GABBR2: variants seen among roughly 807,000 people sequenced by gnomAD.
GABBR2 encodes G-protein coupled receptor 51.
A neutral mutation model predicts 105.6 loss-of-function variants in GABBR2; 23 were observed. The ratio of observed to expected loss-of-function variants is 0.22; its 90% CI spans 0.16 to 0.31. The LOEUF (loss-of-function observed/expected upper bound fraction) is 0.31. GABBR2 is among the 10% of genes least tolerant of loss of function. The pLI, the probability that GABBR2 is intolerant of heterozygous loss-of-function variation, is 1.00. For synonymous variants in GABBR2, 478 were observed against 499.7 expected (o/e 0.96, Z 0.58); for missense variants, 734 against 1,245.5 (o/e 0.59, Z 6.18).
chr9:98,389,273 T>A lies in GABBR2; in HGVS notation c.1379-269A>T, dbSNP rs1004652671. On this transcript the variant is annotated intron_variant, in intron 9 of 18. Coordinates refer to ENST00000259455, the MANE Select transcript of GABBR2 (RefSeq NM_005458.8). ...TAGAAGACTAGAATTTGATTTGGTC[T>A]AATTACACTATTGAAAAACCATCAC... Among the ~76,000 whole-genome samples, 5 of 152,238 alleles carry A rather than the reference T, an allele frequency of 3.3e-5. 1 individual carries two copies. Among genetic ancestry groups the A allele is most frequent in the Non-Finnish European group, 4.4e-5 (3 of 68,042 alleles).
chr9:98,556,851 T>A (rs1828594270), intron 2 of GABBR2, among the ~76,000 whole-genome samples: 1 of 152,034 alleles, frequency 6.6e-6, no homozygotes, highest in Non-Finnish European at 1.5e-5. Context: ...TGGAGACCAG[T>A]CTGGGCAAAT....
chr9:98,348,171 A>G (rs935008062), intron 13 of GABBR2, among the ~76,000 whole-genome samples: 10 of 152,208 alleles, frequency 6.6e-5, no homozygotes, highest in African/African-American at 2.4e-4. Flanking sequence ...CAGTTTTCAC[A>G]GCATCATTTA....
At chr9:98,415,601 G>A (rs1297643487) in intron 7 of GABBR2, among the ~76,000 whole-genome samples, 1 of 152,170 alleles carries the variant, frequency 6.6e-6, no homozygotes, top group Non-Finnish European at 1.5e-5. Flanking sequence ...TATTGTGCAA[G>A]CTACTTTTAG....
intron 1 of GABBR2, among the ~76,000 whole-genome samples, chr9:98,659,483 CTT>C (rs1167537234): frequency 5.8e-5 from 5 of 85,982 alleles, no homozygotes; most frequent in Admixed American, 1.2e-4. Context: ...ATTATTTCTT[CTT>C]CTTTTTTTTT....
At chr9:98,477,488 T>C (rs1043856874) in intron 5 of GABBR2, among the ~76,000 whole-genome samples, 2 of 152,216 alleles carry the variant, frequency 1.3e-5, no homozygotes, top group African/African-American at 4.8e-5. Flanking sequence ...TCTTCCAGCC[T>C]TGGCCTCCCA....
chr9:98,647,846 C>T (rs913386586), intron 1 of GABBR2, among the ~76,000 whole-genome samples: 8 of 152,152 alleles, frequency 5.3e-5, no homozygotes, highest in East Asian at 1.9e-4. Flanking sequence ...GGCTCTGATA[C>T]GAAGGTTAGT....
intron 3 of GABBR2, among the ~76,000 whole-genome samples, chr9:98,499,168 A>G (rs1247407790): frequency 2.6e-5 from 4 of 152,284 alleles, no homozygotes; most frequent in African/African-American, 9.6e-5. Flanking sequence ...GATCATTCCC[A>G]GGCAAATGGC....
chr9:98,662,547 A>G (rs1830277940), intron 1 of GABBR2, among the ~76,000 whole-genome samples: 1 of 152,214 alleles, frequency 6.6e-6, no homozygotes, highest in Admixed American at 6.5e-5. Context: ...CCCAGGAGTT[A>G]TTTAAAAGGG....
chr9:98,298,969 C>T (rs1477538856), intron 17 of GABBR2, among the ~76,000 whole-genome samples: 2 of 152,186 alleles, frequency 1.3e-5, no homozygotes, highest in African/African-American at 4.8e-5. Context: ...ATGCTGGCCC[C>T]ACTGTGTAGG....
chr9:98,299,279 G>A lies in GABBR2; in HGVS notation c.2487C>T (p.Asn829=). The change falls in exon 17 of 19, where the codon AAC becomes AAT. Residue 829 remains asparagine (N), a synonymous_variant. Transcript: ENST00000259455. The stretch of plus-strand genomic sequence containing the variant: ...GGATGTCATTGAGCTCTTGGTAGTG[G>A]TTCTGTTTAATGTAGGTGGTCTTTT... ...TPEKTTYIKQ[N]HYQELNDILN... The A allele has an allele frequency of 6.2e-7, 1 of 1,614,080 alleles. No individual in the cohort carries two copies. The highest frequency in any genetic ancestry group is 1.1e-5 in the South Asian group (1 of 91,062).
chr9:98,459,409 T>C (rs1826385192), intron 6 of GABBR2, among the ~76,000 whole-genome samples: 2 of 152,216 alleles, frequency 1.3e-5, no homozygotes, highest in South Asian at 4.1e-4. Flanking sequence ...TGAGGCATTT[T>C]CTGATTTGTA....
chr9:98,357,738 A>G (rs1831513356), intron 13 of GABBR2, among the ~76,000 whole-genome samples: 1 of 152,206 alleles, frequency 6.6e-6, no homozygotes, highest in Non-Finnish European at 1.5e-5. Context: ...TATATGTACA[A>G]TTTGAAGAAC....
chr9:98,511,308 G>T (rs10042788), intron 3 of GABBR2, among the ~76,000 whole-genome samples: 17,039 of 149,842 alleles, frequency 0.11, 1,570 homozygotes, highest in East Asian at 0.49. Flanking sequence ...AAGCAGGAAA[G>T]ATCTAAAATT....
intron 7 of GABBR2, among the ~76,000 whole-genome samples, chr9:98,411,616 T>C (rs73502828): frequency 0.052 from 7,912 of 151,788 alleles, 717 homozygotes; most frequent in African/African-American, 0.18. Context: ...GGCTAGAGAG[T>C]AGTGGTACCA....
Position 98,375,846 on chromosome 9 carries a change from A to G in GABBR2, c.1663-4275T>C, listed in dbSNP as rs748230451. Among the ~76,000 whole-genome samples, 6 of 152,152 alleles carry G rather than the reference A, an allele frequency of 3.9e-5. No homozygotes were observed. In the South Asian group the frequency reaches 6.2e-4, roughly 16 times the overall value. ...AGGTGCCTCCCTTCTATGTGGCTCT[A>G]TGATGCCAAGTAAACGAGAAGGTTT... On this transcript the variant is annotated intron_variant, in intron 11 of 18. Coordinates refer to ENST00000259455, the MANE Select transcript of GABBR2 (RefSeq NM_005458.8).
At chr9:98,633,626 CAAAAA>C (rs11301472) in intron 1 of GABBR2, among the ~76,000 whole-genome samples, 2 of 84,320 alleles carry the variant, frequency 2.4e-5, no homozygotes, top group Admixed American at 1.2e-4. Context: ...GACTCCATCT[CAAAAA>C]AAAAAAAAAA....
Position 98,708,895 on chromosome 9 carries a change from CGCGGCG to C in GABBR2, c.-164_-159del, listed in dbSNP as rs35400353. On this transcript the variant is annotated 5_prime_UTR_variant, in exon 1 of 19. Transcript: ENST00000259455. ...GGGTTCCGGCTCGGCTCAGAACGGC[CGCGGCG>C]GCGGCGGCGGCAGCGGCGGCGCCCG... 9.1e-5 allele frequency: 18 copies of C among 198,122 alleles called. No homozygotes were observed. Among genetic ancestry groups the C allele is most frequent in the South Asian group, 1.5e-4 (1 of 6,662 alleles). The allele number at this position is 198,122 out of a possible 1,614,324, so 12.3% of individuals were successfully genotyped here.
At chr9:98,430,069 A>C (rs981941772) in intron 7 of GABBR2, among the ~76,000 whole-genome samples, 14 of 150,822 alleles carry the variant, frequency 9.3e-5, no homozygotes, top group African/African-American at 3.4e-4. Flanking sequence ...GGTGGATCAC[A>C]AGGTCAGGAG....
intron 8 of GABBR2, among the ~76,000 whole-genome samples, chr9:98,403,972 G>A (rs1031138978): frequency 4.0e-5 from 6 of 151,658 alleles, no homozygotes; most frequent in African/African-American, 7.3e-5. Context: ...CCCACAAAGC[G>A]CAAGCTCTGA....
Sources: gnomAD v4.1 joint callset for allele counts (sites outside exome capture counted in the v4.1 genomes callset) on GRCh38, gnomAD v4.1.1 for gene constraint, MANE v1.5 for transcripts, NCBI Gene and HGNC (gene_info 2026-07-23, HGNC 2026-07-21) for gene names.